The following PPARGC1A variants were observed in gnomAD, a reference collection of about 807,000 sequenced individuals.
PPARGC1A encodes the protein peroxisome proliferator-activated receptor gamma coactivator 1-alpha.
A neutral mutation model predicts 88.7 loss-of-function variants in PPARGC1A; 25 were observed. That is an observed-to-expected ratio of 0.28 (90% CI 0.21 to 0.39). The LOEUF is 0.39. PPARGC1A is among the 10% of genes least tolerant of loss of function. PPARGC1A has a pLI of 1.00. For missense variants in PPARGC1A, 880 were observed against 968.7 expected (o/e 0.91, Z 1.22); for synonymous variants, 363 against 355.6 (o/e 1.02, Z -0.24).
At chr4:24,093,642 C>A in the PPARGC1A span, among the ~76,000 whole-genome samples, 1 of 152,306 alleles carries the variant, frequency 6.6e-6, no homozygotes, top group East Asian at 1.9e-4. Flanking sequence ...TTCCCTAAAT[C>A]CTTATCAACA....
the PPARGC1A span, among the ~76,000 whole-genome samples, chr4:24,140,277 A>G: frequency 2.0e-5 from 3 of 152,210 alleles, no homozygotes; most frequent in African/African-American, 7.2e-5. Flanking sequence ...ACACAGGCAG[A>G]GATAAAGGTG....
At chr4:24,113,334 T>C in the PPARGC1A span, among the ~76,000 whole-genome samples, 1 of 151,434 alleles carries the variant, frequency 6.6e-6, no homozygotes, top group South Asian at 2.2e-4. Flanking sequence ...AAAGGATAGA[T>C]GGGAACAACC....
the PPARGC1A span, among the ~76,000 whole-genome samples, chr4:24,298,014 A>C: frequency 9.9e-5 from 15 of 152,282 alleles, no homozygotes; most frequent in African/African-American, 3.6e-4. Context: ...TAGTAGCTAC[A>C]GAGATGGAGA....
the PPARGC1A span, among the ~76,000 whole-genome samples, chr4:24,467,025 A>AGAAAGAAAGAAAGAAAGAAAGAAG: frequency 6.8e-6 from 1 of 146,904 alleles, no homozygotes; most frequent in Non-Finnish European, 1.5e-5. Context: ...AAAGAAAGAA[A>AGAAAGAAAGAAAGAAAGAAAGAAG]GAAAGAGAAA....
chr4:24,378,880 A>C, the PPARGC1A span, among the ~76,000 whole-genome samples: 9 of 152,330 alleles, frequency 5.9e-5, no homozygotes, highest in South Asian at 2.1e-4. Flanking sequence ...AGGTTTCTTA[A>C]AAACATGTTT....
At chr4:24,188,436 TGTATGTAATACCGCTGAACTATTA>T in the PPARGC1A span, among the ~76,000 whole-genome samples, 1 of 152,168 alleles carries the variant, frequency 6.6e-6, no homozygotes, top group Admixed American at 6.5e-5. Context: ...ACATTATGAA[TGTATGTAATACCGCTGAACTATTA>T]GTGCTTTGAC....
the PPARGC1A span, among the ~76,000 whole-genome samples, chr4:24,263,456 T>TAC: frequency 0.11 from 16,122 of 149,844 alleles, 813 homozygotes; most frequent in East Asian, 0.15. Context: ...TGTGGGTGTA[T>TAC]ACACACACAC....
chr4:23,870,938 GT>G (rs367777718), intron 2 of PPARGC1A, among the ~76,000 whole-genome samples: 2,460 of 139,232 alleles, frequency 0.018, 58 homozygotes, highest in East Asian at 0.12. Context: ...TGGTATCCGT[GT>G]TTTTTTTTTT....
the PPARGC1A span, among the ~76,000 whole-genome samples, chr4:24,044,192 G>C: frequency 6.6e-6 from 1 of 152,274 alleles, no homozygotes; most frequent in East Asian, 1.9e-4. Context: ...TTTACCAAAG[G>C]AACTGAGTCT....
the PPARGC1A span, among the ~76,000 whole-genome samples, chr4:24,324,783 T>G: frequency 2.6e-5 from 4 of 152,270 alleles, no homozygotes; most frequent in South Asian, 8.3e-4. Context: ...CCAGTGAAAC[T>G]CGTCCCAAAT....
the PPARGC1A span, among the ~76,000 whole-genome samples, chr4:24,063,226 T>C: frequency 6.6e-6 from 1 of 152,160 alleles, no homozygotes; most frequent in Non-Finnish European, 1.5e-5. Flanking sequence ...GCAGATTTAA[T>C]TGGTGAAGTT....
chr4:24,314,820 A>C, the PPARGC1A span, among the ~76,000 whole-genome samples: 1 of 152,166 alleles, frequency 6.6e-6, no homozygotes, highest in Admixed American at 6.5e-5. Flanking sequence ...TAATTAACTC[A>C]AGATTTGCCT....
the PPARGC1A span, among the ~76,000 whole-genome samples, chr4:24,147,135 C>T: frequency 6.6e-6 from 1 of 152,072 alleles, no homozygotes; most frequent in Non-Finnish European, 1.5e-5. Flanking sequence ...CACCAACTGT[C>T]GCTCCTCCTC....
At chr4:24,114,836 G>A in the PPARGC1A span, among the ~76,000 whole-genome samples, 1 of 152,140 alleles carries the variant, frequency 6.6e-6, no homozygotes, top group Non-Finnish European at 1.5e-5. Context: ...GGAGGGTAAG[G>A]TGCGTGGGTA....
chr4:24,143,611 AAAG>A, the PPARGC1A span, among the ~76,000 whole-genome samples: 3 of 146,974 alleles, frequency 2.0e-5, no homozygotes, highest in African/African-American at 8.1e-5. Context: ...GGATGGATAG[AAAG>A]ATGATAGATA....
chr4:24,361,345 C>A, the PPARGC1A span, among the ~76,000 whole-genome samples: 1 of 152,180 alleles, frequency 6.6e-6, no homozygotes. Context: ...CCCCAATTTA[C>A]CTCTTAGAGT....
chr4:24,432,252 T>A, the PPARGC1A span, among the ~76,000 whole-genome samples: 9 of 152,286 alleles, frequency 5.9e-5, no homozygotes, highest in South Asian at 1.9e-3. Flanking sequence ...CTTAATAAGC[T>A]TTGTCTGTGA....
chr4:24,014,890 C>T, the PPARGC1A span, among the ~76,000 whole-genome samples: 1 of 152,184 alleles, frequency 6.6e-6, no homozygotes, highest in African/African-American at 2.4e-5. Context: ...AACCTAATCA[C>T]AAAAGTGACA....
chr4:24,103,640 T>TTATAAA, the PPARGC1A span, among the ~76,000 whole-genome samples: 1 of 150,018 alleles, frequency 6.7e-6, no homozygotes, highest in African/African-American at 2.5e-5. Flanking sequence ...GAACCGGAAT[T>TTATAAA]ATAGCTGCCG....
Sources: allele counts gnomAD v4.1 joint callset (sites outside exome capture counted in the v4.1 genomes callset), GRCh38; gene constraint gnomAD v4.1.1; transcripts MANE v1.5; gene names NCBI Gene and HGNC (gene_info 2026-07-23, HGNC 2026-07-21).